The following GRIK2 variants were observed in gnomAD, a reference collection of about 807,000 sequenced individuals.
GRIK2 encodes the protein glutamate ionotropic receptor kainate type subunit 2, also known as glutamate receptor ionotropic, kainate 2.
Under a neutral mutation model 100.3 loss-of-function variants are expected in GRIK2, and 32 were observed. That is an observed-to-expected ratio of 0.32 (90% CI 0.24 to 0.43). The LOEUF is 0.43. Among genes scored for constraint, GRIK2 ranks in the 20% least tolerant of loss-of-function variants. The pLI is 1.00. For missense variants in GRIK2, 843 were observed against 1,114.9 expected, an observed-to-expected ratio of 0.76 and a Z score of 3.47; for synonymous variants, 417 against 389.4, an observed-to-expected ratio of 1.07 and a Z score of -0.83.
At chr6:101,679,870 C>T (rs1771113226) in intron 5 of GRIK2, among the ~76,000 whole-genome samples, 2 of 152,078 alleles carry the variant, frequency 1.3e-5, no homozygotes, top group Non-Finnish European at 1.5e-5. Flanking sequence ...TCCTGAGTAG[C>T]CGGTATTACA....
chr6:101,681,465 G>A lies in GRIK2; in HGVS notation c.724-1088G>A, dbSNP rs551769608. Among the ~76,000 whole-genome samples the A allele has an allele frequency of 2.0e-5, 3 of 148,836 alleles. No homozygotes were observed. In the South Asian group the frequency reaches 6.4e-4, roughly 32 times the overall value. On this transcript the variant is annotated intron_variant, in intron 5 of 16. Transcript: ENST00000369134. ...GTTATGTTACCAAGGCTGGTCTTGG[G>A]CTCAACCAGTCCTCCTGCCTTGGTT...
chr6:101,935,741 T>C (rs1413093845), intron 14 of GRIK2, among the ~76,000 whole-genome samples: 1 of 151,998 alleles, frequency 6.6e-6, no homozygotes, highest in Non-Finnish European at 1.5e-5. Context: ...TTCTGCTCCT[T>C]TCCTTGTTGT....
chr6:101,734,761 A>G (rs1583043302), intron 7 of GRIK2, among the ~76,000 whole-genome samples: 1 of 152,284 alleles, frequency 6.6e-6, no homozygotes, highest in East Asian at 1.9e-4. Context: ...ATTTTTAAGG[A>G]GGTAAATAAG....
chr6:101,512,648 C>T (rs9390752), intron 2 of GRIK2, among the ~76,000 whole-genome samples: 38,342 of 151,822 alleles, frequency 0.25, 6,026 homozygotes, highest in East Asian at 0.48. Flanking sequence ...TCCACTTTTA[C>T]GACATTCTCT....
intron 11 of GRIK2, among the ~76,000 whole-genome samples, chr6:101,867,295 A>G (rs1037651411): frequency 1.3e-5 from 2 of 152,024 alleles, no homozygotes; most frequent in South Asian, 2.1e-4. Context: ...TTTACTTTTA[A>G]GGAGACATTC....
At chr6:101,451,891 T>C (rs1049480648) in intron 2 of GRIK2, among the ~76,000 whole-genome samples, 1 of 151,742 alleles carries the variant, frequency 6.6e-6, no homozygotes, top group African/African-American at 2.4e-5. Flanking sequence ...ACTTTGGATA[T>C]CCAACGTTAA....
chr6:101,458,169 T>C (rs1211563045), intron 2 of GRIK2, among the ~76,000 whole-genome samples: 2 of 152,060 alleles, frequency 1.3e-5, no homozygotes, highest in Non-Finnish European at 2.9e-5. Flanking sequence ...ATATTATATA[T>C]ATTTTTTCCT....
At chr6:101,797,069 CTA>C (rs1246797781) in intron 7 of GRIK2, among the ~76,000 whole-genome samples, 1 of 151,862 alleles carries the variant, frequency 6.6e-6, no homozygotes, top group African/African-American at 2.4e-5. Context: ...GTTAGATTAT[CTA>C]TATGTCAGTA....
At chr6:101,945,508 G>T (rs1428311624) in intron 14 of GRIK2, among the ~76,000 whole-genome samples, 1 of 152,058 alleles carries the variant, frequency 6.6e-6, no homozygotes, top group Non-Finnish European at 1.5e-5. Flanking sequence ...AAAATACATT[G>T]CATCTAAAAG....
chr6:101,965,376 GT>G (rs1215840966), intron 14 of GRIK2, among the ~76,000 whole-genome samples: 1 of 151,980 alleles, frequency 6.6e-6, no homozygotes, highest in African/African-American at 2.4e-5. Flanking sequence ...TTAGTTCCCT[GT>G]TTTTCTTTCA....
intron 2 of GRIK2, among the ~76,000 whole-genome samples, chr6:101,550,723 T>A (rs1184450935): frequency 6.6e-6 from 1 of 152,194 alleles, no homozygotes; most frequent in African/African-American, 2.4e-5. Context: ...GTGAATAGCA[T>A]GTGCCTGCAT....
At chr6:102,022,741 C>T (rs564384061) in intron 14 of GRIK2, among the ~76,000 whole-genome samples, 2 of 151,626 alleles carry the variant, frequency 1.3e-5, no homozygotes, top group South Asian at 2.1e-4. Flanking sequence ...GTACCTTCAT[C>T]ACTTGATTCA....
At chr6:101,830,702 T>TA (rs536764363) in intron 10 of GRIK2, among the ~76,000 whole-genome samples, 4,748 of 141,260 alleles carry the variant, frequency 0.034, 144 homozygotes, top group African/African-American at 0.076. Context: ...ATTAAAAAAG[T>TA]AAAAAAAAAA....
At chr6:101,590,121 T>C (rs75005936) in intron 2 of GRIK2, among the ~76,000 whole-genome samples, 1,944 of 152,216 alleles carry the variant, frequency 0.013, 51 homozygotes, top group African/African-American at 0.044. Context: ...AAACTCAGGC[T>C]TGTTTTTCCT....
intron 7 of GRIK2, among the ~76,000 whole-genome samples, chr6:101,697,552 A>G (rs2248398): frequency 0.91 from 137,856 of 151,958 alleles, 62,575 homozygotes; most frequent in South Asian, 0.94. Context: ...AATGATATGT[A>G]TCATTTTTTC....
intron 14 of GRIK2, among the ~76,000 whole-genome samples, chr6:101,948,810 A>G (rs532593677): frequency 5.3e-5 from 8 of 152,112 alleles, no homozygotes; most frequent in Non-Finnish European, 1.2e-4. Flanking sequence ...GAAAACAATC[A>G]AATTTCATTT....
chr6:101,820,166 A>G (rs536589675), intron 10 of GRIK2, among the ~76,000 whole-genome samples: 7 of 152,308 alleles, frequency 4.6e-5, no homozygotes, highest in African/African-American at 1.7e-4. Context: ...TCAGTAATAT[A>G]TGACTTAATA....
chr6:101,525,670 C>A (rs368115574), intron 2 of GRIK2, among the ~76,000 whole-genome samples: 94 of 152,222 alleles, frequency 6.2e-4, no homozygotes, highest in Middle Eastern at 6.8e-3. Flanking sequence ...TTTCCTTATG[C>A]GTTAGGATGA....
chr6:101,539,586 A>T (rs185238553), intron 2 of GRIK2, among the ~76,000 whole-genome samples: 3 of 151,266 alleles, frequency 2.0e-5, no homozygotes, highest in East Asian at 3.9e-4. Context: ...AGTAACAGAC[A>T]ATCTACATTA....
Sources: allele counts gnomAD v4.1 joint callset (sites outside exome capture counted in the v4.1 genomes callset), GRCh38; gene constraint gnomAD v4.1.1; transcripts MANE v1.5; gene names NCBI Gene and HGNC (gene_info 2026-07-23, HGNC 2026-07-21).